RNF112: variants seen among roughly 807,000 people sequenced by gnomAD.
The protein encoded by RNF112 is ring finger protein 112, also known as brain finger protein.
In RNF112, 34 loss-of-function variants were observed where a neutral mutation model predicts 64.7. The observed-to-expected ratio is 0.53, with a 90% CI of 0.40 to 0.70. The LOEUF (loss-of-function observed/expected upper bound fraction) is 0.70. RNF112 is among the 30% of genes least tolerant of loss of function. RNF112 has a pLI of 0.00. For synonymous variants in RNF112, 345 were observed against 344.5 expected (o/e 1.00, Z -0.02); for missense variants, 734 against 850.0 (o/e 0.86, Z 1.70).
rs1186350035 is a variant in RNF112, at chr17:19,413,123, G to T, written c.567G>T (p.Leu189Phe). 3 of 1,612,928 alleles carry T rather than the reference G, an allele frequency of 1.9e-6. No individual in the cohort carries two copies. In the African/African-American group the frequency reaches 4.0e-5, roughly 22 times the overall value. Residue 189 changes from leucine (L) to phenylalanine (F), a missense_variant, in exon 4 of 14, where the codon TTG becomes TTT. Leu to Phe is a conservative substitution (Grantham distance 22). Transcript: ENST00000461366. The surrounding 1 kb of genome is among the most constrained non-coding windows in gnomAD (Gnocchi z 5.9). Reference protein sequence around the residue: ...HSGKSFLLNHLLQGLPGLESG... With the variant: ...HSGKSFLLNHFLQGLPGLESG... ...GGAAGTCCTTCCTCCTCAACCATTT[G>T]CTTCAGGGCTTGCCGGGCCTGGTGA...
chr17:19,411,477 C>G lies in RNF112; in HGVS notation c.54+15C>G. The stretch of plus-strand genomic sequence containing the variant: ...TTGGCAAACGGGCAAGTCTTCAGTC[C>G]TAAGATCGGGAAGGAGAGTGGGGTG... On this transcript the variant is annotated intron_variant, in intron 1 of 13. Transcript: ENST00000461366. 6.6e-7 allele frequency: 1 copy of G among 1,524,198 alleles called. No individual in the cohort carries two copies. Among genetic ancestry groups the G allele is most frequent in the Non-Finnish European group, 8.9e-7 (1 of 1,127,976 alleles). The allele number at this position is 1,524,198 out of a possible 1,614,324, so 94.4% of individuals were successfully genotyped here. A position where few individuals can be genotyped will look rare whatever the true frequency, so the allele number is the denominator to read the frequency against.
rs1913712921 is a variant in RNF112, at chr17:19,412,858, A to G, written c.381+75A>G. The G allele has an allele frequency of 3.2e-6, 5 of 1,582,262 alleles. No homozygotes were observed. Among genetic ancestry groups the G allele is most frequent in the Middle Eastern group, 2.0e-4 (1 of 4,918 alleles). ...TGGCCCTATTCTAGAACATCAGGAC[A>G]CAGAGCTCCAGGCTGAACACATTCC... On this transcript the variant is annotated intron_variant, in intron 3 of 13. Transcript: ENST00000461366. The surrounding 1 kb of genome is among the most constrained non-coding windows in gnomAD (Gnocchi z 5.1).
Position 19,415,368 on chromosome 17 carries a change from G to A in RNF112, c.1350+29G>A. ...TGAGCGCTGGGGGATCCAGCATTCT[G>A]GCAGGGAGACAGGGGAGGCAGGGAG... is the stretch of plus-strand genomic sequence containing the variant. On this transcript the variant is annotated intron_variant, in intron 12 of 13. Transcript: ENST00000461366. This position sits in a 1 kb window ranked among gnomAD's most constrained non-coding sequence, Gnocchi z 7.8. 1 of 1,578,668 alleles carries A rather than the reference G, an allele frequency of 6.3e-7. No individual in the cohort carries two copies. The highest frequency in any genetic ancestry group is 2.3e-5 in the East Asian group (1 of 43,892).
chr17:19,415,301 A>T lies in RNF112; in HGVS notation c.1312A>T (p.Met438Leu), dbSNP rs1309198969. The T allele has an allele frequency of 6.2e-7, 1 of 1,609,548 alleles. No individual in the cohort carries two copies. The highest frequency in any genetic ancestry group is 1.3e-5 in the African/African-American group (1 of 74,666). The change falls in exon 12 of 14, where the codon ATG (methionine) becomes TTG (leucine). Residue 438 changes from methionine to leucine, a missense_variant. Met to Leu is a conservative substitution (Grantham distance 15, BLOSUM62 2). Coordinates refer to ENST00000461366, the MANE Select transcript of RNF112 (RefSeq NM_007148.5). This position sits in a 1 kb window ranked among gnomAD's most constrained non-coding sequence, Gnocchi z 7.8. ...ATCTCCGCAGAACCTCTCAGGATGG[A>T]TGGGGAGGACAGGGCCCGGTTTCAC... is the stretch of plus-strand genomic sequence containing the variant. Reference protein sequence around the residue: ...AQEIKNLSGWMGRTGPGFTSP... With the variant: ...AQEIKNLSGWLGRTGPGFTSP...
In RNF112 at chr17:19,413,158, G is replaced by GGGGCA. The variant is rs1429375158; in HGVS notation, c.588+17_588+21dup. The GGGGCA allele has an allele frequency of 1.2e-6, 2 of 1,607,668 alleles. No individual in the cohort carries two copies. The highest frequency in any genetic ancestry group is 1.7e-6 in the Non-Finnish European group (2 of 1,176,492). On this transcript the variant is annotated intron_variant, in intron 4 of 13. Coordinates refer to ENST00000461366, the MANE Select transcript of RNF112 (RefSeq NM_007148.5). The surrounding 1 kb of genome is among the most constrained non-coding windows in gnomAD (Gnocchi z 5.9). Reference sequence around the variant, plus strand: ...TTGCCGGGCCTGGTGAGGGCGGGGCGGGGCAGGAGGGAGGCGGGGAGCAAG... The same window carrying GGGGCA: ...TTGCCGGGCCTGGTGAGGGCGGGGCGGGGCAGGGCAGGAGGGAGGCGGGGAGCAAG...
At position 19,411,659 on chromosome 17, in the gene RNF112, C is replaced by T. The variant is rs754611368; in HGVS notation, c.84C>T (p.Ser28=). 1.6e-5 allele frequency: 25 copies of T among 1,572,754 alleles called. No individual in the cohort carries two copies. Among genetic ancestry groups the T allele is most frequent in the East Asian group, 7.0e-5 (3 of 42,730 alleles). ...RERKQSFMGN[S]GNSWSHTPFP... Reference sequence around the variant, plus strand: ...GAAAACAGAGCTTCATGGGAAACAGCGGCAACAGTTGGTAAGTAGCAGGGC... The same window carrying T: ...GAAAACAGAGCTTCATGGGAAACAGTGGCAACAGTTGGTAAGTAGCAGGGC... Residue 28 remains serine (S), a synonymous_variant, in exon 2 of 14, where the codon AGC becomes AGT. Coordinates refer to ENST00000461366, the MANE Select transcript of RNF112 (RefSeq NM_007148.5).
At chr17:19,411,597 T>C in intron 1 of RNF112, 33 bp from the exon 2 acceptor site, 1 of 1,533,696 alleles carries the variant, frequency 6.5e-7, no homozygotes, top group Non-Finnish European at 8.8e-7. Context: ...TGGATTATGT[T>C]CTAAATCTTT....
Position 19,415,947 on chromosome 17 carries a change from C to A in RNF112, c.1668C>A (p.Ala556=). ...HLAAVGGAVG[A]GLMGLAGGVV... ...CTGCTGTGGGGGGTGCTGTGGGGGC[C>A]GGGCTCATGGGCCTGGCAGGGGGCG... is the stretch of plus-strand genomic sequence containing the variant. The change falls in exon 14 of 14, where the codon GCC becomes GCA. Residue 556 remains alanine, a synonymous_variant. Transcript: ENST00000461366. This position sits in a 1 kb window ranked among gnomAD's most constrained non-coding sequence, Gnocchi z 7.8. The A allele has an allele frequency of 1.2e-6, 2 of 1,601,348 alleles. No homozygotes were observed. Among genetic ancestry groups the A allele is most frequent in the Non-Finnish European group, 1.7e-6 (2 of 1,174,340 alleles).
rs931559570 is a variant in RNF112, at chr17:19,416,509, C to T, written c.*334C>T. 1 of 259,024 alleles carries T rather than the reference C, an allele frequency of 3.9e-6. No homozygotes were observed. The highest frequency in any genetic ancestry group is 7.4e-6 in the Non-Finnish European group (1 of 135,126). 16.0% of individuals were successfully genotyped at this position (259,024 alleles called of 1,614,324 possible). On this transcript the variant is annotated 3_prime_UTR_variant, in exon 14 of 14. Coordinates refer to ENST00000461366, the MANE Select transcript of RNF112 (RefSeq NM_007148.5). ...CCACCTGGCTCATTTCCCCGATGACCCTGGATTGTAGGAAAGTTAAGCAGG... is the reference window on the plus strand; with the variant it reads ...CCACCTGGCTCATTTCCCCGATGACTCTGGATTGTAGGAAAGTTAAGCAGG...
Position 19,412,894 on chromosome 17 carries a change from G to A in RNF112, c.382-44G>A. 1.9e-6 allele frequency: 3 copies of A among 1,563,458 alleles called. No individual in the cohort carries two copies. The highest frequency in any genetic ancestry group is 2.6e-6 in the Non-Finnish European group (3 of 1,155,088). On this transcript the variant is annotated intron_variant, in intron 3 of 13. Coordinates refer to ENST00000461366, the MANE Select transcript of RNF112 (RefSeq NM_007148.5). This position sits in a 1 kb window ranked among gnomAD's most constrained non-coding sequence, Gnocchi z 5.1. ...GGCTGAACACATTCCAGGGTCAGGA[G>A]CTGGTCCTGGATGCTCAGGGGCCCC...
chr17:19,414,544 C>T (rs759586797), intron 8 of RNF112, 39 bp downstream of exon 8: 26 of 1,613,758 alleles, frequency 1.6e-5, no homozygotes, highest in African/African-American at 4.0e-5. Context: ...CCCCAGGCCC[C>T]GCCACCCCCA....
rs1263465372 is a variant in RNF112, at chr17:19,415,150, C to A, written c.1239C>A (p.Ala413=). ...RCQGYWNEGR[A]VARGDRRLLT... ...AGGGGTACTGGAACGAGGGGCGCGC[C>A]GTGGCCAGGGGGGACAGACGCCTAC... The change falls in exon 11 of 14, where the codon GCC becomes GCA. Residue 413 remains alanine (A), a synonymous_variant. Coordinates refer to ENST00000461366, the MANE Select transcript of RNF112 (RefSeq NM_007148.5). This position sits in a 1 kb window ranked among gnomAD's most constrained non-coding sequence, Gnocchi z 7.8. 9 of 1,609,598 alleles carry A rather than the reference C, an allele frequency of 5.6e-6. No individual in the cohort carries two copies. The highest frequency in any genetic ancestry group is 1.7e-5 in the Admixed American group (1 of 58,488).
chr17:19,415,824 G>T lies in RNF112; in HGVS notation c.1545G>T (p.Lys515Asn), dbSNP rs1330660031. The stretch of plus-strand genomic sequence containing the variant: ...GCCATGGTGTGGCCTTACTCTGCAA[G>T]GGGAGAGATCAGACCTTGGAGGCAC... ...LARHGVALLC[K>N]GRDQTLEALE... The change falls in exon 14 of 14, where the codon AAG (lysine) becomes AAT (asparagine). Residue 515 changes from lysine (K) to asparagine (N), a missense_variant. Coordinates refer to ENST00000461366, the MANE Select transcript of RNF112 (RefSeq NM_007148.5). This position sits in a 1 kb window ranked among gnomAD's most constrained non-coding sequence, Gnocchi z 7.8. The T allele has an allele frequency of 6.2e-7, 1 of 1,613,726 alleles. No homozygotes were observed. Among genetic ancestry groups the T allele is most frequent in the African/African-American group, 1.3e-5 (1 of 74,948 alleles).
chr17:19,412,087 G>A lies in RNF112; in HGVS notation c.96-411G>A, dbSNP rs532200700. On this transcript the variant is annotated intron_variant, in intron 2 of 13. Coordinates refer to ENST00000461366, the MANE Select transcript of RNF112 (RefSeq NM_007148.5). This position sits in a 1 kb window ranked among gnomAD's most constrained non-coding sequence, Gnocchi z 5.1. Reference sequence around the variant, plus strand: ...AGGCACTGTGCAGACAGCTGCACACGCCTCCTCTCGGATGGCCACCCCAAC... The same window carrying A: ...AGGCACTGTGCAGACAGCTGCACACACCTCCTCTCGGATGGCCACCCCAAC... Among the ~76,000 whole-genome samples, 11 of 152,318 alleles carry A rather than the reference G, an allele frequency of 7.2e-5. 1 individual carries two copies. In the East Asian group the frequency reaches 1.7e-3, roughly 24 times the overall value.
chr17:19,411,877 AAG>A (rs1913673324), intron 2 of RNF112: 1 of 626,800 alleles, frequency 1.6e-6, no homozygotes, highest in Non-Finnish European at 2.9e-6. Flanking sequence ...CAGAGAGCGG[AAG>A]GAATCTTCTA....
rs749747077 is a variant in RNF112, at chr17:19,415,269, C to T, written c.1297-17C>T. 23 of 1,600,570 alleles carry T rather than the reference C, an allele frequency of 1.4e-5. No homozygotes were observed. Among genetic ancestry groups the T allele is most frequent in the Admixed American group, 1.3e-4 (7 of 54,916 alleles). ...GGGCCCCTGCTCTCCCTGACCCCAGCGATGGTATCTCCGCAGAACCTCTCA... is the reference window on the plus strand; with the variant it reads ...GGGCCCCTGCTCTCCCTGACCCCAGTGATGGTATCTCCGCAGAACCTCTCA... On this transcript the variant is annotated splice_polypyrimidine_tract_variant and intron_variant, in intron 11 of 13. Transcript: ENST00000461366. This position sits in a 1 kb window ranked among gnomAD's most constrained non-coding sequence, Gnocchi z 7.8.
chr17:19,413,218 G>C lies in RNF112; in HGVS notation c.589-62G>C, dbSNP rs755460483. On this transcript the variant is annotated intron_variant, in intron 4 of 13. Transcript: ENST00000461366. The surrounding 1 kb of genome is among the most constrained non-coding windows in gnomAD (Gnocchi z 5.9). ...TCCTGCCTGGGGGAAGCTGGGTCTG[G>C]TATTCCGGTCTGTGGGGACAAGGAA... The C allele has an allele frequency of 1.3e-6, 2 of 1,596,478 alleles. No individual in the cohort carries two copies. The highest frequency in any genetic ancestry group is 8.6e-7 in the Non-Finnish European group (1 of 1,169,056).
At position 19,411,389 on chromosome 17, in the gene RNF112, T is replaced by C. The variant is rs1913648002; in HGVS notation, c.-20T>C. On this transcript the variant is annotated 5_prime_UTR_variant, in exon 1 of 14. Coordinates refer to ENST00000461366, the MANE Select transcript of RNF112 (RefSeq NM_007148.5). ...GGCCTCCCCCTCTGCATCCGGACCC[T>C]CTCCCCATCCCAGCCTCCCATGCCA... The C allele has an allele frequency of 1.2e-6, 2 of 1,609,152 alleles. No individual in the cohort carries two copies. The highest frequency in any genetic ancestry group is 2.7e-5 in the African/African-American group (2 of 74,856).
intron 6 of RNF112, 77 bp from the exon 7 acceptor site, chr17:19,414,018 C>G: frequency 7.7e-7 from 1 of 1,306,516 alleles, no homozygotes; most frequent in Non-Finnish European, 1.1e-6. Context: ...TGCGAGCTCC[C>G]TACTCACCAG....
Sources: allele counts gnomAD v4.1 joint callset (sites outside exome capture counted in the v4.1 genomes callset), GRCh38; gene constraint gnomAD v4.1.1; non-coding constraint Gnocchi (gnomAD v3.1); transcripts MANE v1.5; gene names NCBI Gene and HGNC (gene_info 2026-07-23, HGNC 2026-07-21).